The following GSTCD variants were observed in gnomAD, a reference collection of about 807,000 sequenced individuals.
GSTCD encodes glutathione S-transferase C-terminal domain-containing protein.
A neutral mutation model predicts 68.3 loss-of-function variants in GSTCD; 44 were observed. The ratio of observed to expected loss-of-function variants is 0.64; its 90% confidence interval spans 0.51 to 0.83. GSTCD has a LOEUF of 0.83. Ranked by LOEUF, GSTCD falls within the 40% of genes least tolerant of loss-of-function variation. GSTCD has a pLI of 0.00. For synonymous variants in GSTCD, 273 were observed against 255.2 expected, an observed-to-expected ratio of 1.07 and a Z score of -0.67; for missense variants, 739 against 735.9, an observed-to-expected ratio of 1.00 and a Z score of -0.05.
intron 3 of GSTCD, among the ~76,000 whole-genome samples, chr4:105,722,577 T>C (rs1385581825): frequency 6.6e-6 from 1 of 152,038 alleles, no homozygotes; most frequent in Non-Finnish European, 1.5e-5. Flanking sequence ...TAAGAACAAA[T>C]ATTTTATATA....
At chr4:105,827,390 G>A (rs1032216453) in intron 8 of GSTCD, among the ~76,000 whole-genome samples, 1 of 152,152 alleles carries the variant, frequency 6.6e-6, no homozygotes, top group South Asian at 2.1e-4. Context: ...AACTAAAAAT[G>A]TATATATCTC....
intron 5 of GSTCD, among the ~76,000 whole-genome samples, chr4:105,806,011 G>T (rs1184451809): frequency 6.6e-6 from 1 of 151,966 alleles, no homozygotes; most frequent in Middle Eastern, 3.2e-3. Flanking sequence ...TACTACTTCA[G>T]TTTCTGCCTG....
chr4:105,766,393 A>G (rs1734608150), intron 5 of GSTCD, among the ~76,000 whole-genome samples: 1 of 152,160 alleles, frequency 6.6e-6, no homozygotes, highest in African/African-American at 2.4e-5. Context: ...TTTTACTAAT[A>G]GCCTTCATTG....
chr4:105,723,524 T>C lies in GSTCD; in HGVS notation c.895-3055T>C, dbSNP rs147011224. Among the ~76,000 whole-genome samples, 7 of 151,902 alleles carry C rather than the reference T, an allele frequency of 4.6e-5. No homozygotes were observed. In the East Asian group the frequency reaches 1.4e-3, roughly 29 times the overall value. ...TAGAAGTAATCTAGGATTTAAAGTA[T>C]AGGAGAGGATGTGTATAGGTTATAT... On this transcript the variant is annotated intron_variant, in intron 3 of 11. Coordinates refer to ENST00000515279, the MANE Select transcript of GSTCD (RefSeq NM_001370181.1).
chr4:105,804,417 C>T (rs1736251846), intron 5 of GSTCD, among the ~76,000 whole-genome samples: 1 of 151,872 alleles, frequency 6.6e-6, no homozygotes, highest in Admixed American at 6.6e-5. Flanking sequence ...ATTTCAGTAA[C>T]AAAACATTGT....
chr4:105,750,159 G>A (rs769514761), intron 5 of GSTCD, among the ~76,000 whole-genome samples: 38 of 152,038 alleles, frequency 2.5e-4, no homozygotes, highest in African/African-American at 7.2e-4. Context: ...GGAATGTCTC[G>A]AATTGAAAAG....
intron 5 of GSTCD, among the ~76,000 whole-genome samples, chr4:105,805,536 GT>G (rs1230040677): frequency 6.6e-6 from 1 of 151,890 alleles, no homozygotes; most frequent in Non-Finnish European, 1.5e-5. Context: ...GGTTTTTATT[GT>G]TTTTTAACAG....
At chr4:105,743,230 A>G (rs112835002) in intron 5 of GSTCD, among the ~76,000 whole-genome samples, 10,532 of 152,072 alleles carry the variant, frequency 0.069, 415 homozygotes, top group Middle Eastern at 0.17. Flanking sequence ...GATTACAGGC[A>G]TGACCCACCG....
In GSTCD at chr4:105,796,934, A is replaced by C. The variant is rs866775994; in HGVS notation, c.1241-26020A>C. Among the ~76,000 whole-genome samples the C allele has an allele frequency of 7.9e-5, 12 of 152,268 alleles. No homozygotes were observed. In the South Asian group the frequency reaches 2.5e-3, roughly 32 times the overall value. ...GGATCGGCTTCCAAGAAGTTCCTGC[A>C]GTCACCAGGCTAACTCCATTTCTTC... is the stretch of plus-strand genomic sequence containing the variant. On this transcript the variant is annotated intron_variant, in intron 5 of 11. Coordinates refer to ENST00000515279, the MANE Select transcript of GSTCD (RefSeq NM_001370181.1).
chr4:105,799,026 C>T (rs1312865016), intron 5 of GSTCD, among the ~76,000 whole-genome samples: 1 of 152,198 alleles, frequency 6.6e-6, no homozygotes, highest in Non-Finnish European at 1.5e-5. Context: ...CTTGCTGCAT[C>T]TTCTACTTCA....
chr4:105,842,056 T>G lies in GSTCD; in HGVS notation c.1696-9T>G. ...AAATAAACCCACATTCTATTGCTTT[T>G]TCTTTTAGGAACACATGATTCTGTG... On this transcript the variant is annotated splice_polypyrimidine_tract_variant and intron_variant, in intron 10 of 11. Coordinates refer to ENST00000515279, the MANE Select transcript of GSTCD (RefSeq NM_001370181.1). 6.2e-7 allele frequency: 1 copy of G among 1,611,482 alleles called. No homozygotes were observed. Among genetic ancestry groups the G allele is most frequent in the Non-Finnish European group, 8.5e-7 (1 of 1,177,616 alleles).
At chr4:105,781,619 T>C (rs1735276780) in intron 5 of GSTCD, among the ~76,000 whole-genome samples, 1 of 152,088 alleles carries the variant, frequency 6.6e-6, no homozygotes, top group Admixed American at 6.6e-5. Context: ...TAAGAAGTAT[T>C]CTACGCAGAA....
rs141470928 is a variant in GSTCD at position 105,812,585 on chromosome 4, C to G, written c.1241-10369C>G. Among the ~76,000 whole-genome samples the G allele has an allele frequency of 2.4e-3, 372 of 152,190 alleles. 2 individuals carry two copies. The highest frequency in any genetic ancestry group is 8.7e-3 in the African/African-American group (361 of 41,532). ...GAAGACATAGGAGAATTTGTATTTA[C>G]TGAATTAGGTTGTGGCCAAAAGAAG... On this transcript the variant is annotated intron_variant, in intron 5 of 11. Transcript: ENST00000515279.
Position 105,823,000 on chromosome 4 carries a change from C to A in GSTCD, c.1287C>A (p.Asn429Lys). The change falls in exon 6 of 12, where the codon AAC becomes AAA. Residue 429 changes from asparagine to lysine, a missense_variant. Transcript: ENST00000515279. ...DRALRKQQQL[N>K]NLVYVVTNQA... is the part of the protein sequence containing the mutation. ...CTTTGAGGAAGCAGCAACAGTTGAA[C>A]AACCTTGTCTATGTGGTAACAAATC... 6.2e-7 allele frequency: 1 copy of A among 1,613,824 alleles called. No individual in the cohort carries two copies. The highest frequency in any genetic ancestry group is 8.5e-7 in the Non-Finnish European group (1 of 1,179,768).
chr4:105,798,338 A>G (rs904375975), intron 5 of GSTCD, among the ~76,000 whole-genome samples: 2 of 151,764 alleles, frequency 1.3e-5, no homozygotes, highest in Non-Finnish European at 2.9e-5. Context: ...CTTCTTCAAC[A>G]CTCCTGTTCA....
intron 5 of GSTCD, among the ~76,000 whole-genome samples, chr4:105,746,645 C>A (rs1733813448): frequency 6.6e-6 from 1 of 151,948 alleles, no homozygotes; most frequent in African/African-American, 2.4e-5. Context: ...ATTCTAGTGG[C>A]AGATTATCCT....
At chr4:105,743,172 G>T (rs779770839) in intron 5 of GSTCD, among the ~76,000 whole-genome samples, 11 of 151,842 alleles carry the variant, frequency 7.2e-5, no homozygotes, top group Non-Finnish European at 1.6e-4. Flanking sequence ...GGATGGTCTC[G>T]ATCTCCTGAC....
chr4:105,729,032 T>A lies in GSTCD; in HGVS notation c.1147-374T>A, dbSNP rs72969263. On this transcript the variant is annotated intron_variant, in intron 4 of 11. Transcript: ENST00000515279. Reference sequence around the variant, plus strand: ...ATGTAAAGGGAGACTTTGATGGACATATGCAGAGTTCTTTTTTTATTATTT... The same window carrying A: ...ATGTAAAGGGAGACTTTGATGGACAAATGCAGAGTTCTTTTTTTATTATTT... 6.1e-3 allele frequency among the ~76,000 whole-genome samples: 933 copies of A among 152,214 alleles called. 6 individuals carry two copies. Among genetic ancestry groups the A allele is most frequent in the African/African-American group, 0.021 (860 of 41,546 alleles).
chr4:105,798,620 G>A (rs927114757), intron 5 of GSTCD, among the ~76,000 whole-genome samples: 7 of 150,548 alleles, frequency 4.6e-5, no homozygotes, highest in African/African-American at 1.5e-4. Flanking sequence ...CAGAGCTCTT[G>A]AGTGACCAAA....
Sources: gnomAD v4.1 joint callset for allele counts (sites outside exome capture counted in the v4.1 genomes callset) on GRCh38, gnomAD v4.1.1 for gene constraint, MANE v1.5 for transcripts, NCBI Gene and HGNC (gene_info 2026-07-23, HGNC 2026-07-21) for gene names.